MMAA: variants seen among roughly 807,000 people sequenced by gnomAD.
The protein encoded by MMAA is methylmalonic aciduria type A protein, mitochondrial.
In MMAA, 41 loss-of-function variants were observed where a neutral mutation model predicts 45.0. That is an observed-to-expected ratio of 0.91 (90% confidence interval 0.71 to 1.18). MMAA has a LOEUF of 1.18. Among genes scored for constraint, MMAA ranks in the 50% most tolerant of loss-of-function variants. The pLI is 0.00. For synonymous variants in MMAA, 154 were observed against 178.2 expected (o/e 0.86, Z 1.08); for missense variants, 460 against 495.7 (o/e 0.93, Z 0.68).
Position 145,651,104 on chromosome 4 carries a change from T to A in MMAA, c.776T>A (p.Met259Lys), listed in dbSNP as rs1328403056. The change falls in exon 5 of 7, where the codon ATG becomes AAG. Residue 259 changes from methionine (M) to lysine (K), a missense_variant. Physicochemically the swap from Met to Lys is moderately conservative, Grantham distance 95. Transcript: ENST00000649156. The part of the protein sequence containing the change: ...SEFAVADMVD[M>K]FVLLLPPAGG... ...TTTGCTGTTGCTGACATGGTTGACATGTTTGTTTTACTACTGCCACCAGCA... is the reference window on the plus strand; with the variant it reads ...TTTGCTGTTGCTGACATGGTTGACAAGTTTGTTTTACTACTGCCACCAGCA... 6.2e-7 allele frequency: 1 copy of A among 1,614,206 alleles called. No individual in the cohort carries two copies. Among genetic ancestry groups the A allele is most frequent in the South Asian group, 1.1e-5 (1 of 91,084 alleles).
At chr4:145,654,658 C>G (rs557098964) in intron 6 of MMAA, among the ~76,000 whole-genome samples, 105 of 152,258 alleles carry the variant, frequency 6.9e-4, no homozygotes, top group African/African-American at 2.4e-3. Flanking sequence ...CCCAGTTTTT[C>G]CCAATCATGT....
At chr4:145,627,637 A>G (rs1022441950) in intron 1 of MMAA, among the ~76,000 whole-genome samples, 6 of 152,190 alleles carry the variant, frequency 3.9e-5, no homozygotes, top group Admixed American at 6.5e-5. Context: ...GGTGGGAACA[A>G]AAGACTGTGG....
chr4:145,651,825 T>G (rs1728098321), intron 5 of MMAA, among the ~76,000 whole-genome samples: 1 of 152,200 alleles, frequency 6.6e-6, no homozygotes, highest in Non-Finnish European at 1.5e-5. Flanking sequence ...ATGAAACTGT[T>G]CCACCTCAGA....
intron 4 of MMAA, among the ~76,000 whole-genome samples, chr4:145,648,449 C>T (rs1315186887): frequency 3.9e-5 from 6 of 152,074 alleles, no homozygotes; most frequent in South Asian, 4.1e-4. Flanking sequence ...CCCGGCCTAA[C>T]TTAGGAATGT....
In MMAA at chr4:145,632,799, C is replaced by T. The variant is rs569330467; in HGVS notation, c.-65-6276C>T. On this transcript the variant is annotated intron_variant, in intron 1 of 6. Transcript: ENST00000649156. ...TGAGACAGGGGTCTTGCTCTGTCACCCAGGCTGGAGTGTAGTGGTGTGATC... is the reference window on the plus strand; with the variant it reads ...TGAGACAGGGGTCTTGCTCTGTCACTCAGGCTGGAGTGTAGTGGTGTGATC... Among the ~76,000 whole-genome samples the T allele has an allele frequency of 2.6e-4, 39 of 151,798 alleles. 1 individual carries two copies. The highest frequency in any genetic ancestry group is 9.2e-4 in the African/African-American group (38 of 41,398).
At chr4:145,641,031 G>A (rs1406152616) in intron 2 of MMAA, among the ~76,000 whole-genome samples, 4 of 152,170 alleles carry the variant, frequency 2.6e-5, no homozygotes, top group Admixed American at 6.5e-5. Context: ...AATGGGCATA[G>A]ATGCTTTAAG....
At chr4:145,642,182 A>G (rs535309911) in intron 2 of MMAA, among the ~76,000 whole-genome samples, 181 bp from the exon 3 acceptor site, 1 of 152,202 alleles carries the variant, frequency 6.6e-6, no homozygotes, top group Non-Finnish European at 1.5e-5. Context: ...CTATAGCCCC[A>G]TTACTCAGGA....
intron 1 of MMAA, chr4:145,625,984 A>G (rs1734198087): frequency 1.3e-6 from 2 of 1,488,772 alleles, no homozygotes; most frequent in African/African-American, 1.4e-5. Context: ...CTACCCCTCA[A>G]AAGGGGTTCT....
intron 1 of MMAA, among the ~76,000 whole-genome samples, chr4:145,638,169 A>T (rs1401404139): frequency 2.0e-5 from 3 of 152,156 alleles, no homozygotes; most frequent in African/African-American, 7.2e-5. Flanking sequence ...GGAGATCGAG[A>T]GCGTCCTGGC....
intron 1 of MMAA, chr4:145,624,478 T>C: frequency 2.2e-6 from 2 of 914,492 alleles, no homozygotes; most frequent in Non-Finnish European, 3.5e-6. Flanking sequence ...GGCCCTTTCT[T>C]AGGACTTCCT....
At chr4:145,637,624 G>A (rs996571017) in intron 1 of MMAA, among the ~76,000 whole-genome samples, 1 of 152,094 alleles carries the variant, frequency 6.6e-6, no homozygotes, top group Non-Finnish European at 1.5e-5. Context: ...ATACCTTGGA[G>A]CAATAATTTA....
chr4:145,624,969 G>C (rs1424975237), intron 1 of MMAA: 6 of 1,079,748 alleles, frequency 5.6e-6, no homozygotes, highest in African/African-American at 3.1e-5. Context: ...TGGTTTCCCT[G>C]ACAGTTGGTA....
chr4:145,623,773 A>G (rs1477499917), intron 1 of MMAA, among the ~76,000 whole-genome samples: 5 of 152,228 alleles, frequency 3.3e-5, no homozygotes, highest in Non-Finnish European at 5.9e-5. Flanking sequence ...TTTAGAATAC[A>G]TTAATACACT....
At chr4:145,635,095 C>T (rs1727575243) in intron 1 of MMAA, among the ~76,000 whole-genome samples, 1 of 152,066 alleles carries the variant, frequency 6.6e-6, no homozygotes, top group African/African-American at 2.4e-5. Context: ...CTCCCTGAAA[C>T]CCCCTAGTCC....
chr4:145,650,777 G>A (rs940075477), intron 4 of MMAA: 12 of 456,228 alleles, frequency 2.6e-5, no homozygotes, highest in African/African-American at 2.4e-4. Flanking sequence ...CTGATGAAAA[G>A]GAAGCCAAGA....
intron 1 of MMAA, among the ~76,000 whole-genome samples, chr4:145,635,091 G>T (rs778969388): frequency 9.2e-5 from 14 of 152,028 alleles, no homozygotes; most frequent in Non-Finnish European, 1.6e-4. Flanking sequence ...CCCCCTCCCT[G>T]AAACCCCCTA....
rs1243256247 is a variant in MMAA, at chr4:145,657,540, CTA to C, written c.*2108_*2109del. On this transcript the variant is annotated 3_prime_UTR_variant, in exon 7 of 7. Coordinates refer to ENST00000649156, the MANE Select transcript of MMAA (RefSeq NM_172250.3). ...ATATGATATTTGGCAAGTTTTTTCT[CTA>C]TGTGCAGTAGTTTCTTTATCTGTAA... 1 of 152,102 alleles carries C rather than the reference CTA, an allele frequency of 6.6e-6. No homozygotes were observed. The highest frequency in any genetic ancestry group is 2.4e-5 in the African/African-American group (1 of 41,412). The allele number at this position is 152,102 out of a possible 1,614,324, so 9.4% of individuals were successfully genotyped here.
Position 145,657,792 on chromosome 4 carries a change from A to AC in MMAA, c.*2360dup, listed in dbSNP as rs1316123073. On this transcript the variant is annotated 3_prime_UTR_variant, in exon 7 of 7. Transcript: ENST00000649156. ...TTAAATGGGGATGACAATAGTGTCC[A>AC]CCTAGAGCAGGACTATTTTAGTATT... 6.6e-6 allele frequency: 1 copy of AC among 152,168 alleles called. No homozygotes were observed. The highest frequency in any genetic ancestry group is 2.4e-5 in the African/African-American group (1 of 41,444). The allele number at this position is 152,168 out of a possible 1,614,324, so 9.4% of individuals were successfully genotyped here. A position where few individuals can be genotyped will look rare whatever the true frequency, so the allele number is the denominator to read the frequency against.
At chr4:145,645,007 T>A (rs1727886057) in intron 3 of MMAA, among the ~76,000 whole-genome samples, 1 of 152,168 alleles carries the variant, frequency 6.6e-6, no homozygotes, top group Non-Finnish European at 1.5e-5. Flanking sequence ...CCAAAAAATG[T>A]GTTGTATGAA....
Sources: gnomAD v4.1 joint callset for allele counts (sites outside exome capture counted in the v4.1 genomes callset) on GRCh38, gnomAD v4.1.1 for gene constraint, MANE v1.5 for transcripts, NCBI Gene and HGNC (gene_info 2026-07-23, HGNC 2026-07-21) for gene names.